The following ZMYM4 variants were observed in gnomAD, a reference collection of about 807,000 sequenced individuals.
The protein encoded by ZMYM4 is zinc finger MYM-type protein 4.
Under a neutral mutation model 183.2 loss-of-function variants are expected in ZMYM4, and 31 were observed. The ratio of observed to expected loss-of-function variants is 0.17; its 90% CI spans 0.13 to 0.23. The LOEUF is 0.23. Ranked by LOEUF, ZMYM4 falls within the 10% of genes least tolerant of loss-of-function variation. ZMYM4 has a pLI of 1.00. For synonymous variants in ZMYM4, 592 were observed against 631.2 expected, an observed-to-expected ratio of 0.94 and a Z score of 0.93; for missense variants, 1,273 against 1,840.3, an observed-to-expected ratio of 0.69 and a Z score of 5.64.
intron 26 of ZMYM4, among the ~76,000 whole-genome samples, chr1:35,408,676 G>T (rs139136263): frequency 6.6e-6 from 1 of 152,196 alleles, no homozygotes; most frequent in Non-Finnish European, 1.5e-5. Flanking sequence ...GTTTAAGGCT[G>T]CAGTAAGCCA....
At chr1:35,301,072 C>T (rs1468526197) in intron 1 of ZMYM4, among the ~76,000 whole-genome samples, 1 of 152,116 alleles carries the variant, frequency 6.6e-6, no homozygotes, top group East Asian at 1.9e-4. Flanking sequence ...TTTTGGTACC[C>T]TGTATCCCTG....
chr1:35,349,326 A>C (rs1331906337), intron 2 of ZMYM4, among the ~76,000 whole-genome samples: 1 of 152,186 alleles, frequency 6.6e-6, no homozygotes, highest in Non-Finnish European at 1.5e-5. Flanking sequence ...TATAGCCATT[A>C]TCAAAATCTT....
chr1:35,382,853 C>T (rs1298656681), intron 9 of ZMYM4, among the ~76,000 whole-genome samples: 1 of 151,974 alleles, frequency 6.6e-6, no homozygotes, highest in African/African-American at 2.4e-5. Flanking sequence ...GATAACAAAT[C>T]CTGTCATTTT....
intron 1 of ZMYM4, among the ~76,000 whole-genome samples, chr1:35,319,097 C>G (rs1367094569): frequency 2.0e-5 from 3 of 152,128 alleles, no homozygotes; most frequent in African/African-American, 7.2e-5. Flanking sequence ...TCAGGCTGGT[C>G]TCGAACTCCC....
intron 2 of ZMYM4, chr1:35,351,048 A>G: frequency 1.2e-6 from 1 of 858,462 alleles, no homozygotes; most frequent in Non-Finnish European, 1.9e-6. Flanking sequence ...CAGCCTTCTC[A>G]ATAGGTTTGG....
At chr1:35,388,843 G>C (rs1190514708) in intron 13 of ZMYM4, 67 bp from the exon 14 acceptor site, 1 of 1,488,188 alleles carries the variant, frequency 6.7e-7, no homozygotes, top group Non-Finnish European at 9.3e-7. Context: ...GCCTGTCCTA[G>C]GCCATTTAAA....
At chr1:35,395,367 G>T (rs534413881) in intron 18 of ZMYM4, among the ~76,000 whole-genome samples, 1 of 147,944 alleles carries the variant, frequency 6.8e-6, no homozygotes, top group African/African-American at 2.6e-5. Flanking sequence ...CAGCTGAGGC[G>T]GGAGGATCAC....
Position 35,268,829 on chromosome 1 carries a change from G to A in ZMYM4, c.-218G>A. ...GAGTCCCGGCCCCCACCCCGTCCCC[G>A]GGCAGGCCCTCCCGCCCACGCGCGG... On this transcript the variant is annotated 5_prime_UTR_variant, in exon 1 of 30. Coordinates refer to ENST00000314607, the MANE Select transcript of ZMYM4 (RefSeq NM_005095.3). The A allele has an allele frequency of 2.5e-6, 1 of 399,336 alleles. No homozygotes were observed. The highest frequency in any genetic ancestry group is 4.2e-6 in the Non-Finnish European group (1 of 235,562). 24.7% of individuals were successfully genotyped at this position (399,336 alleles called of 1,614,324 possible).
intron 2 of ZMYM4, among the ~76,000 whole-genome samples, chr1:35,338,058 T>C (rs893475179): frequency 6.6e-6 from 1 of 152,220 alleles, no homozygotes; most frequent in Non-Finnish European, 1.5e-5. Context: ...TCAGGGAATG[T>C]TCTTTTGATT....
At chr1:35,370,338 A>ATTT (rs35122134) in intron 6 of ZMYM4, 34 bp from the exon 7 acceptor site, 13,785 of 1,111,030 alleles carry the variant, frequency 0.012, 200 homozygotes, top group East Asian at 0.05. Context: ...TTTTCTTTCA[A>ATTT]TTTTTTTTTT....
At chr1:35,370,727 C>CTTT (rs3066096) in intron 7 of ZMYM4, 100 bp downstream of exon 7, 5,543 of 281,176 alleles carry the variant, frequency 0.02, 9 homozygotes, top group Non-Finnish European at 0.022. Flanking sequence ...ACATTTATTC[C>CTTT]TTTTTTTTTT....
intron 2 of ZMYM4, among the ~76,000 whole-genome samples, chr1:35,329,044 T>C (rs1642624542): frequency 6.6e-6 from 1 of 152,084 alleles, no homozygotes. Context: ...TCTGCCCTAC[T>C]GTGGTATAAT....
intron 1 of ZMYM4, among the ~76,000 whole-genome samples, chr1:35,296,639 G>A (rs1303527611): frequency 6.6e-6 from 1 of 151,984 alleles, no homozygotes; most frequent in African/African-American, 2.4e-5. Flanking sequence ...GAGAATGAAC[G>A]TCCTCCTGTA....
At chr1:35,271,087 T>C (rs1294115615) in intron 1 of ZMYM4, among the ~76,000 whole-genome samples, 1 of 152,196 alleles carries the variant, frequency 6.6e-6, no homozygotes, top group African/African-American at 2.4e-5. Context: ...AGATCCTTAC[T>C]GTGCTTGGAT....
chr1:35,366,384 G>T (rs1644079911), intron 5 of ZMYM4, among the ~76,000 whole-genome samples: 1 of 152,120 alleles, frequency 6.6e-6, no homozygotes, highest in African/African-American at 2.4e-5. Flanking sequence ...ACAAGTTGCG[G>T]ATGTCATCGT....
chr1:35,295,708 A>G (rs1465497494), intron 1 of ZMYM4, among the ~76,000 whole-genome samples: 1 of 152,164 alleles, frequency 6.6e-6, no homozygotes, highest in Non-Finnish European at 1.5e-5. Flanking sequence ...TTGGAGGAAG[A>G]TTTATGGTAT....
chr1:35,290,974 G>A (rs1640731720), intron 1 of ZMYM4, among the ~76,000 whole-genome samples: 1 of 152,060 alleles, frequency 6.6e-6, no homozygotes, highest in South Asian at 2.1e-4. Context: ...TTTGAAATAA[G>A]GTTTATTACA....
chr1:35,386,739 A>G (rs1644586363), intron 11 of ZMYM4, among the ~76,000 whole-genome samples: 1 of 152,242 alleles, frequency 6.6e-6, no homozygotes, highest in African/African-American at 2.4e-5. Context: ...ACTGCCTTCT[A>G]TAAAATTGAA....
At chr1:35,391,570 C>T (rs1345882134) in intron 15 of ZMYM4, among the ~76,000 whole-genome samples, 1 of 152,132 alleles carries the variant, frequency 6.6e-6, no homozygotes, top group African/African-American at 2.4e-5. Context: ...TATATAAAGG[C>T]AAGATTTAAG....
Sources: allele counts gnomAD v4.1 joint callset (sites outside exome capture counted in the v4.1 genomes callset), GRCh38; gene constraint gnomAD v4.1.1; transcripts MANE v1.5; gene names NCBI Gene and HGNC (gene_info 2026-07-23, HGNC 2026-07-21).